ZNF615: variants seen among roughly 807,000 people sequenced by gnomAD.
ZNF615 encodes the protein zinc finger protein 615.
In ZNF615, 15 loss-of-function variants were observed where a neutral mutation model predicts 15.3. That is an observed-to-expected ratio of 0.98 (90% CI 0.66 to 1.51). The LOEUF (loss-of-function observed/expected upper bound fraction) is 1.51, where lower values mean the gene tolerates loss of function less well. Ranked by LOEUF, ZNF615 falls within the 40% of genes most tolerant of loss-of-function variation. The pLI, the probability that ZNF615 is intolerant of heterozygous loss-of-function variation, is 0.00. For synonymous variants in ZNF615, 268 were observed against 294.6 expected, an observed-to-expected ratio of 0.91 and a Z score of 0.92; for missense variants, 848 against 895.9, an observed-to-expected ratio of 0.95 and a Z score of 0.68.
At chr19:52,002,487 A>G (rs761909724) in intron 3 of ZNF615, 45 of 699,520 alleles carry the variant, frequency 6.4e-5, no homozygotes, top group Non-Finnish European at 9.8e-5. Flanking sequence ...AAGTCAAAGA[A>G]ATGTCTGTAA....
At chr19:52,005,342 G>A (rs1038994109) in intron 2 of ZNF615, among the ~76,000 whole-genome samples, 1 of 152,166 alleles carries the variant, frequency 6.6e-6, no homozygotes. Flanking sequence ...TAGCAGAAGA[G>A]TATAAAATAC....
Position 51,992,788 on chromosome 19 carries a change from A to G in ZNF615, c.*92T>C. 7.2e-7 allele frequency: 1 copy of G among 1,398,172 alleles called. No homozygotes were observed. The highest frequency in any genetic ancestry group is 9.7e-7 in the Non-Finnish European group (1 of 1,028,286). The allele number at this position is 1,398,172 out of a possible 1,614,324, so 86.6% of individuals were successfully genotyped here. A position where few individuals can be genotyped will look rare whatever the true frequency, so the allele number is the denominator to read the frequency against. ...CAAAACATGAAGTAACTGATCACTA[A>G]ATAAACAACCATGTAGTCTGCATTC... On this transcript the variant is annotated 3_prime_UTR_variant, in exon 7 of 7. Transcript: ENST00000598071.
At position 52,008,155 on chromosome 19, in the gene ZNF615, T is replaced by C. The variant is rs1459360585; in HGVS notation, c.-242A>G. The stretch of plus-strand genomic sequence containing the variant: ...ACTGAACTTACTTCCCAGAACTTGG[T>C]GGGCTCCGGCCTCATCTCTCGGCCT... On this transcript the variant is annotated 5_prime_UTR_variant, in exon 1 of 7. Transcript: ENST00000598071. The C allele has an allele frequency of 2.0e-6, 3 of 1,535,428 alleles. No individual in the cohort carries two copies. Among genetic ancestry groups the C allele is most frequent in the Non-Finnish European group, 2.6e-6 (3 of 1,146,806 alleles).
At chr19:52,006,500 C>G (rs2086756238) in intron 2 of ZNF615, among the ~76,000 whole-genome samples, 1 of 152,016 alleles carries the variant, frequency 6.6e-6, no homozygotes, top group Non-Finnish European at 1.5e-5. Flanking sequence ...TTATACCGAA[C>G]CAAAATTATC....
intron 4 of ZNF615, 108 bp from the exon 5 acceptor site, chr19:52,002,016 G>A (rs2086611483): frequency 1.9e-6 from 3 of 1,604,244 alleles, no homozygotes; most frequent in Admixed American, 1.7e-5. Context: ...TCTGTAACAA[G>A]AAGGTAGATT....
chr19:52,000,201 A>G, intron 6 of ZNF615, 145 bp downstream of exon 6: 1 of 423,276 alleles, frequency 2.4e-6, no homozygotes. Flanking sequence ...AGACAGGAAC[A>G]ATAGACACTG....
intron 2 of ZNF615, among the ~76,000 whole-genome samples, chr19:52,005,539 G>C (rs1239410040): frequency 6.6e-6 from 1 of 152,124 alleles, no homozygotes; most frequent in Admixed American, 6.5e-5. Context: ...AATGATTGTG[G>C]CCAGGTCCCA....
chr19:51,999,965 A>C (rs1297764636), intron 6 of ZNF615, among the ~76,000 whole-genome samples: 1 of 152,182 alleles, frequency 6.6e-6, no homozygotes, highest in Non-Finnish European at 1.5e-5. Flanking sequence ...CAGCAAAGAC[A>C]TGGAATCAAC....
In ZNF615 at chr19:51,992,931, T is replaced by G. The variant is rs1297201546; in HGVS notation, c.2178A>C (p.Lys726Asn). ...CAAGGATAGACAAGTGCGCAAAAGC[T>G]TTCCCACAATCACTACATCCATAGG... is the stretch of plus-strand genomic sequence containing the variant. ...ERPYGCSDCGKAFAHLSILVK... is the reference protein window; with the variant it reads ...ERPYGCSDCGNAFAHLSILVK... Residue 726 changes from lysine to asparagine, a missense_variant, in exon 7 of 7, where the codon AAA (lysine) becomes AAC (asparagine). Physicochemically the swap from Lys to Asn is moderately conservative, Grantham distance 94. Coordinates refer to ENST00000598071, the MANE Select transcript of ZNF615 (RefSeq NM_001199324.2). 1 of 1,614,072 alleles carries G rather than the reference T, an allele frequency of 6.2e-7. No homozygotes were observed. The highest frequency in any genetic ancestry group is 1.1e-5 in the South Asian group (1 of 91,094).
At chr19:51,995,789 C>CTTGAAG (rs72264844) in intron 6 of ZNF615, among the ~76,000 whole-genome samples, 1 of 58,514 alleles carries the variant, frequency 1.7e-5, no homozygotes, top group South Asian at 9.9e-4. Context: ...CTAGGCTGGT[C>CTTGAAG]TCACAAGCTC....
chr19:51,997,778 C>A (rs773345365), intron 6 of ZNF615, among the ~76,000 whole-genome samples: 1 of 152,136 alleles, frequency 6.6e-6, no homozygotes, highest in Non-Finnish European at 1.5e-5. Context: ...AGGCTTTGGG[C>A]CACATTTGTA....
At chr19:52,004,633 TCCA>T (rs2086697168) in intron 2 of ZNF615, 2 of 152,040 alleles carry the variant, frequency 1.3e-5, no homozygotes, top group African/African-American at 4.8e-5. Context: ...GCTCAACTGA[TCCA>T]CCCATCTCAG....
At chr19:52,006,999 C>T (rs1307759347) in intron 2 of ZNF615, among the ~76,000 whole-genome samples, 1 of 152,134 alleles carries the variant, frequency 6.6e-6, no homozygotes, top group Non-Finnish European at 1.5e-5. Context: ...AAACAAAATT[C>T]ATGGATAAAT....
At chr19:51,996,633 T>C (rs1428672172) in intron 6 of ZNF615, among the ~76,000 whole-genome samples, 1 of 152,120 alleles carries the variant, frequency 6.6e-6, no homozygotes, top group Non-Finnish European at 1.5e-5. Flanking sequence ...ACATCCAACA[T>C]TTACAAATTA....
intron 6 of ZNF615, among the ~76,000 whole-genome samples, chr19:51,996,634 T>C (rs1171939657): frequency 6.6e-6 from 1 of 152,144 alleles, no homozygotes; most frequent in East Asian, 1.9e-4. Context: ...CATCCAACAT[T>C]TACAAATTAT....
In ZNF615 at chr19:51,992,995, C is replaced by T. The variant is rs1176257444; in HGVS notation, c.2114G>A (p.Gly705Glu). The change falls in exon 7 of 7, where the codon GGG (glycine) becomes GAG (glutamate). Residue 705 changes from glycine to glutamate, a missense_variant. By Grantham distance (98) the Gly-to-Glu change is moderately conservative. Transcript: ENST00000598071. Reference sequence around the variant, plus strand: ...ATGTTTTCTTTGATGAACATTGAGCCCTGATTTTGTAGTGAAGGCTTTCCC... The same window carrying T: ...ATGTTTTCTTTGATGAACATTGAGCTCTGATTTTGTAGTGAAGGCTTTCCC... ...DCGKAFTTKS[G>E]LNVHQRKHTG... is the part of the protein sequence containing the mutation. 4 of 1,613,998 alleles carry T rather than the reference C, an allele frequency of 2.5e-6. No individual in the cohort carries two copies. Among genetic ancestry groups the T allele is most frequent in the African/African-American group, 2.7e-5 (2 of 74,874 alleles).
chr19:52,008,052 A>G lies in ZNF615; in HGVS notation c.-228+89T>C. ...CCAAACGCTGGCGCCGACAGATACC[A>G]GTCCATCACCACTGTCCACGAACAC... On this transcript the variant is annotated intron_variant, in intron 1 of 6. Coordinates refer to ENST00000598071, the MANE Select transcript of ZNF615 (RefSeq NM_001199324.2). 3.2e-6 allele frequency: 4 copies of G among 1,245,440 alleles called. No individual in the cohort carries two copies. The South Asian group carries it at 5.3e-5, about 17-fold the overall frequency. 77.1% of individuals were successfully genotyped at this position (1,245,440 alleles called of 1,614,324 possible). A position where few individuals can be genotyped will look rare whatever the true frequency, so the allele number is the denominator to read the frequency against.
At chr19:52,002,448 C>T (rs772704344) in intron 3 of ZNF615, 167 bp from the exon 4 acceptor site, 17 of 953,730 alleles carry the variant, frequency 1.8e-5, no homozygotes, top group Middle Eastern at 4.1e-4. Flanking sequence ...TGTAACTGTG[C>T]GGTCATCCAT....
Position 52,003,957 on chromosome 19 carries a change from G to A in ZNF615, c.-189-57C>T, listed in dbSNP as rs374962281. ...CTTTTTAGGCCCAGATGTTGTCACT[G>A]TTCCTATATGCTCACCTTAAATCAA... On this transcript the variant is annotated intron_variant, in intron 2 of 6. Transcript: ENST00000598071. 320 of 1,217,302 alleles carry A rather than the reference G, an allele frequency of 2.6e-4. No individual in the cohort carries two copies. In the African/African-American group the frequency reaches 4.3e-3, roughly 16 times the overall value. 75.4% of individuals were successfully genotyped at this position (1,217,302 alleles called of 1,614,324 possible). A position where few individuals can be genotyped will look rare whatever the true frequency, so the allele number is the denominator to read the frequency against.
Sources: allele counts gnomAD v4.1 joint callset (sites outside exome capture counted in the v4.1 genomes callset), GRCh38; gene constraint gnomAD v4.1.1; transcripts MANE v1.5; gene names NCBI Gene and HGNC (gene_info 2026-07-23, HGNC 2026-07-21).